The following GLYATL2 variants were observed in gnomAD, a reference collection of about 807,000 sequenced individuals.
GLYATL2 encodes the protein glycine N-acyltransferase-like protein 2.
In GLYATL2, 25 loss-of-function variants were observed where a neutral mutation model predicts 21.4. That is an observed-to-expected ratio of 1.17 (90% CI 0.85 to 1.63). The LOEUF (loss-of-function observed/expected upper bound fraction) is 1.63. Ranked by LOEUF, GLYATL2 falls within the 40% of genes most tolerant of loss-of-function variation. The pLI, the probability that GLYATL2 is intolerant of heterozygous loss-of-function variation, is 0.00. For missense variants in GLYATL2, 361 were observed against 343.3 expected (o/e 1.05, Z -0.41); for synonymous variants, 114 against 118.2 (o/e 0.96, Z 0.23).
intron 1 of GLYATL2, among the ~76,000 whole-genome samples, chr11:58,889,861 A>C (rs1854510079): frequency 6.6e-6 from 1 of 152,116 alleles, no homozygotes; most frequent in Non-Finnish European, 1.5e-5. Context: ...ATCTGTTACC[A>C]AAGTCTAGTA....
chr11:58,905,402 G>C (rs1338620599), upstream of GLYATL2: 1 of 447,618 alleles, frequency 2.2e-6, no homozygotes. Flanking sequence ...CTGGATGCAC[G>C]TCCCGCCACC....
chr11:58,873,141 C>T (rs914985373), intron 1 of GLYATL2, among the ~76,000 whole-genome samples: 21 of 150,496 alleles, frequency 1.4e-4, no homozygotes, highest in African/African-American at 4.9e-4. Context: ...ATTTTGTATC[C>T]TGAGACTTTG....
chr11:58,845,631 A>C (rs1157965408), upstream of GLYATL2, among the ~76,000 whole-genome samples: 2 of 152,194 alleles, frequency 1.3e-5, no homozygotes, highest in Non-Finnish European at 2.9e-5. Flanking sequence ...ACTTTCTGGA[A>C]GTGAAAGAAA....
intron 2 of GLYATL2, among the ~76,000 whole-genome samples, chr11:58,838,812 G>A (rs1853490500): frequency 6.6e-6 from 1 of 152,138 alleles, no homozygotes; most frequent in Non-Finnish European, 1.5e-5. Context: ...AGGACACGTG[G>A]TCTGAGAGAT....
At position 58,841,909 on chromosome 11, in the gene GLYATL2, G is replaced by A. The variant is rs79036359; in HGVS notation, c.-40-2257C>T. Among the ~76,000 whole-genome samples, 662 of 152,250 alleles carry A rather than the reference G, an allele frequency of 4.3e-3. 8 individuals carry two copies. The highest frequency in any genetic ancestry group is 0.015 in the African/African-American group (615 of 41,548). ...CTTGGTAAGAGATGTGGAATGAAAC[G>A]TGAGGAAGTGAAGGTAACTTTTTCA... On this transcript the variant is annotated intron_variant, in intron 1 of 5. Coordinates refer to ENST00000287275, the MANE Select transcript of GLYATL2 (RefSeq NM_145016.4).
upstream of GLYATL2, among the ~76,000 whole-genome samples, chr11:58,848,054 G>C (rs925032279): frequency 6.9e-6 from 1 of 144,548 alleles, no homozygotes; most frequent in Non-Finnish European, 1.5e-5. Context: ...AACAGTCTCT[G>C]CCTGGTAATC....
chr11:58,899,622 C>A, intron 1 of GLYATL2, among the ~76,000 whole-genome samples: 1 of 151,928 alleles, frequency 6.6e-6, no homozygotes, highest in East Asian at 1.9e-4. Flanking sequence ...CAGACAGCTG[C>A]AGAAAGAAGG....
chr11:58,886,225 A>T (rs957375514), intron 1 of GLYATL2, among the ~76,000 whole-genome samples: 1 of 152,154 alleles, frequency 6.6e-6, no homozygotes, highest in Non-Finnish European at 1.5e-5. Context: ...TTAAAAAAAA[A>T]TGTTATTTCT....
chr11:58,884,243 A>G (rs957408599), intron 1 of GLYATL2, among the ~76,000 whole-genome samples: 2 of 152,182 alleles, frequency 1.3e-5, no homozygotes, highest in South Asian at 4.1e-4. Flanking sequence ...AGAAATAAAG[A>G]GTATTCAATT....
chr11:58,898,712 A>G (rs1854678449), intron 1 of GLYATL2, among the ~76,000 whole-genome samples: 1 of 152,028 alleles, frequency 6.6e-6, no homozygotes, highest in Non-Finnish European at 1.5e-5. Context: ...GGATGCCTGT[A>G]GTCCCAGTTA....
intron 1 of GLYATL2, among the ~76,000 whole-genome samples, chr11:58,878,090 C>T (rs1854270783): frequency 6.6e-6 from 1 of 152,194 alleles, no homozygotes; most frequent in African/African-American, 2.4e-5. Flanking sequence ...ACTTCCTGTT[C>T]CTTTACATCA....
At chr11:58,870,313 G>GTCT (rs1854095659) in intron 1 of GLYATL2, among the ~76,000 whole-genome samples, 1 of 152,204 alleles carries the variant, frequency 6.6e-6, no homozygotes, top group African/African-American at 2.4e-5. Context: ...ACAGCTACGT[G>GTCT]CTTGAAGCAG....
chr11:58,887,839 T>G (rs1377703924), intron 1 of GLYATL2, among the ~76,000 whole-genome samples: 1 of 152,188 alleles, frequency 6.6e-6, no homozygotes, highest in African/African-American at 2.4e-5. Flanking sequence ...GAAACTTTTC[T>G]CAATACAATT....
At chr11:58,898,188 TAA>T (rs1854666504) in intron 1 of GLYATL2, among the ~76,000 whole-genome samples, 1 of 147,718 alleles carries the variant, frequency 6.8e-6, no homozygotes, top group African/African-American at 2.6e-5. Flanking sequence ...TGTACCCCAA[TAA>T]GACGACATCT....
chr11:58,905,412 C>T, upstream of GLYATL2: 1 of 449,164 alleles, frequency 2.2e-6, no homozygotes, highest in Non-Finnish European at 4.5e-6. Flanking sequence ...GTCCCGCCAC[C>T]GCCGCCGACC....
intron 1 of GLYATL2, among the ~76,000 whole-genome samples, chr11:58,852,088 A>G (rs1371630584): frequency 6.6e-6 from 1 of 152,250 alleles, no homozygotes; most frequent in Admixed American, 6.5e-5. Context: ...TAATTTGCTT[A>G]AAGTCTTCAT....
chr11:58,903,909 A>G (rs999192489), intron 1 of GLYATL2, among the ~76,000 whole-genome samples: 2 of 152,136 alleles, frequency 1.3e-5, no homozygotes, highest in Admixed American at 6.5e-5. Flanking sequence ...CTCCAAGTCA[A>G]TATATCAAAA....
chr11:58,879,095 C>T (rs1010202257), intron 1 of GLYATL2, among the ~76,000 whole-genome samples: 1 of 151,838 alleles, frequency 6.6e-6, no homozygotes, highest in African/African-American at 2.4e-5. Context: ...GCTGGTGGGA[C>T]TGCTGGGGAA....
At chr11:58,872,899 G>C (rs1854152235) in intron 1 of GLYATL2, among the ~76,000 whole-genome samples, 1 of 152,186 alleles carries the variant, frequency 6.6e-6, no homozygotes, top group Non-Finnish European at 1.5e-5. Context: ...TCACGATATT[G>C]ATTGTCCCTA....
Sources: gnomAD v4.1 joint callset for allele counts (sites outside exome capture counted in the v4.1 genomes callset) on GRCh38, gnomAD v4.1.1 for gene constraint, MANE v1.5 for transcripts, NCBI Gene and HGNC (gene_info 2026-07-23, HGNC 2026-07-21) for gene names.